Variants in CLSTN2 observed in about 807,000 individuals in gnomAD.
The protein encoded by CLSTN2 is calsyntenin 2.
In CLSTN2, 48 loss-of-function variants were observed where a neutral mutation model predicts 101.2. The ratio of observed to expected loss-of-function variants is 0.47; its 90% confidence interval spans 0.38 to 0.60. CLSTN2 has a LOEUF of 0.60. CLSTN2 is among the 20% of genes least tolerant of loss of function. The pLI is 0.00. For missense variants in CLSTN2, 1,160 were observed against 1,238.2 expected (o/e 0.94, Z 0.95); for synonymous variants, 481 against 463.6 (o/e 1.04, Z -0.48).
intron 2 of CLSTN2, among the ~76,000 whole-genome samples, chr3:140,183,592 T>G (rs1234203505): frequency 3.9e-5 from 6 of 152,180 alleles, no homozygotes; most frequent in Non-Finnish European, 7.3e-5. Context: ...ACTGTGCAAA[T>G]TAGAAACAGG....
chr3:140,295,849 A>C (rs2086997947), intron 2 of CLSTN2, among the ~76,000 whole-genome samples: 1 of 152,210 alleles, frequency 6.6e-6, no homozygotes, highest in Admixed American at 6.5e-5. Context: ...TGGAGGGTTC[A>C]TAAGCTCCTT....
rs1559806104 is a variant in CLSTN2, at chr3:140,205,625, A to AC, written c.232+29555dup. 7.0e-5 allele frequency among the ~76,000 whole-genome samples: 5 copies of AC among 71,406 alleles called. 2 individuals are homozygous for AC. The highest frequency in any genetic ancestry group is 3.7e-5 in the African/African-American group (1 of 26,774). 46.8% of individuals were successfully genotyped at this position (71,406 alleles called of 152,430 possible). A position where few individuals can be genotyped will look rare whatever the true frequency, so the allele number is the denominator to read the frequency against. ...GTTGTTTGGACCTGACCCGCCCCCC[A>AC]CCCACACACACACACAGCCACCTGC... On this transcript the variant is annotated intron_variant, in intron 2 of 16. Coordinates refer to ENST00000458420, the MANE Select transcript of CLSTN2 (RefSeq NM_022131.3).
chr3:140,320,871 G>C (rs1462034116), intron 2 of CLSTN2, among the ~76,000 whole-genome samples: 3 of 152,198 alleles, frequency 2.0e-5, no homozygotes, highest in African/African-American at 7.2e-5. Flanking sequence ...AGAAGACAAG[G>C]CAAGTCTCTG....
chr3:140,371,328 T>A (rs967957767), intron 2 of CLSTN2, among the ~76,000 whole-genome samples: 1 of 150,014 alleles, frequency 6.7e-6, no homozygotes, highest in African/African-American at 2.4e-5. Flanking sequence ...TGGAAAAAAA[T>A]CTGCAGAAGA....
intron 2 of CLSTN2, among the ~76,000 whole-genome samples, chr3:140,360,630 C>G (rs2087720421): frequency 6.6e-6 from 1 of 152,038 alleles, no homozygotes; most frequent in Admixed American, 6.5e-5. Context: ...TAAAGAAGAA[C>G]AATACAAGTG....
At chr3:140,550,875 T>C (rs191123490) in intron 10 of CLSTN2, among the ~76,000 whole-genome samples, 1 of 151,288 alleles carries the variant, frequency 6.6e-6, no homozygotes, top group Admixed American at 6.5e-5. Context: ...AGCCTTTTTA[T>C]AACCAAGCCA....
chr3:140,006,471 C>T (rs1368538201), intron 1 of CLSTN2, among the ~76,000 whole-genome samples: 1 of 152,212 alleles, frequency 6.6e-6, no homozygotes, highest in Admixed American at 6.5e-5. Flanking sequence ...TCCACAGCCT[C>T]CTTCAAATCC....
At chr3:140,132,756 A>G (rs1012120490) in intron 1 of CLSTN2, among the ~76,000 whole-genome samples, 1 of 152,300 alleles carries the variant, frequency 6.6e-6, no homozygotes, top group South Asian at 2.1e-4. Context: ...TGCAAAAGCA[A>G]CTCAACTAAT....
chr3:140,100,684 A>G (rs2107789848), intron 1 of CLSTN2, among the ~76,000 whole-genome samples: 1 of 152,280 alleles, frequency 6.6e-6, no homozygotes, highest in African/African-American at 2.4e-5. Flanking sequence ...CACACGCATA[A>G]TCCTGTCTGT....
At chr3:140,430,181 C>G (rs1479863161) in intron 5 of CLSTN2, among the ~76,000 whole-genome samples, 2 of 152,148 alleles carry the variant, frequency 1.3e-5, no homozygotes, top group Non-Finnish European at 2.9e-5. Context: ...GATTCTTGCC[C>G]TCAGTTCTCT....
intron 2 of CLSTN2, among the ~76,000 whole-genome samples, chr3:140,180,659 G>A (rs759241333): frequency 2.3e-4 from 35 of 152,118 alleles, no homozygotes; most frequent in Non-Finnish European, 5.0e-4. Flanking sequence ...AGAGATGATA[G>A]AACTGCTCAT....
chr3:139,953,568 C>A (rs1935329926), intron 1 of CLSTN2, among the ~76,000 whole-genome samples: 1 of 152,140 alleles, frequency 6.6e-6, no homozygotes, highest in African/African-American at 2.4e-5. Flanking sequence ...TGTGGCAGGT[C>A]AGTAGTCAGA....
chr3:140,267,672 C>A (rs1164423513), intron 2 of CLSTN2, among the ~76,000 whole-genome samples: 1 of 152,148 alleles, frequency 6.6e-6, no homozygotes, highest in Middle Eastern at 3.2e-3. Flanking sequence ...TTTTGCTGTG[C>A]CCCAGGCCAG....
At chr3:139,957,489 T>A (rs1471816049) in intron 1 of CLSTN2, among the ~76,000 whole-genome samples, 1 of 150,176 alleles carries the variant, frequency 6.7e-6, no homozygotes, top group Non-Finnish European at 1.5e-5. Flanking sequence ...ATGTAATCTT[T>A]ACTTTTTTTT....
At chr3:140,202,285 C>G (rs2107841892) in intron 2 of CLSTN2, among the ~76,000 whole-genome samples, 1 of 152,318 alleles carries the variant, frequency 6.6e-6, no homozygotes. Context: ...ACTGCAGTAA[C>G]AGCTGAGAGT....
chr3:140,108,715 TG>T (rs1186890190), intron 1 of CLSTN2, among the ~76,000 whole-genome samples: 5 of 152,302 alleles, frequency 3.3e-5, no homozygotes, highest in Non-Finnish European at 7.4e-5. Flanking sequence ...GTATTTATTT[TG>T]TTTTGTTTTG....
intron 4 of CLSTN2, among the ~76,000 whole-genome samples, chr3:140,405,196 CT>C (rs1244147442): frequency 6.6e-6 from 1 of 151,738 alleles, no homozygotes. Context: ...GGAGGTGGGA[CT>C]TTTGAAATCC....
intron 1 of CLSTN2, among the ~76,000 whole-genome samples, chr3:139,991,460 T>C (rs551902892): frequency 6.6e-6 from 1 of 152,348 alleles, no homozygotes; most frequent in South Asian, 2.1e-4. Flanking sequence ...CTTATAGCAG[T>C]TCCCGAGAAA....
At chr3:140,390,412 T>G (rs969440928) in intron 2 of CLSTN2, among the ~76,000 whole-genome samples, 1 of 152,212 alleles carries the variant, frequency 6.6e-6, no homozygotes, top group African/African-American at 2.4e-5. Flanking sequence ...ATCTAAAGTT[T>G]TTCTAGATCT....
Sources: allele counts gnomAD v4.1 joint callset (sites outside exome capture counted in the v4.1 genomes callset), GRCh38; gene constraint gnomAD v4.1.1; transcripts MANE v1.5; gene names NCBI Gene and HGNC (gene_info 2026-07-23, HGNC 2026-07-21).